MIPOL1: variants seen among roughly 807,000 people sequenced by gnomAD.
MIPOL1 encodes the protein mirror-image polydactyly gene 1 protein.
MIPOL1 carries 57 observed loss-of-function variants against 60.9 expected under a neutral mutation model. The ratio of observed to expected loss-of-function variants is 0.94; its 90% CI spans 0.76 to 1.17. The LOEUF (loss-of-function observed/expected upper bound fraction) is 1.17. MIPOL1 is among the 50% of genes most tolerant of loss of function. MIPOL1 has a pLI of 0.00. For missense variants in MIPOL1, 551 were observed against 511.6 expected (o/e 1.08, Z -0.74); for synonymous variants, 179 against 168.8 (o/e 1.06, Z -0.47).
At chr14:37,514,369 C>G (rs1249767544) in intron 12 of MIPOL1, among the ~76,000 whole-genome samples, 1 of 152,004 alleles carries the variant, frequency 6.6e-6, no homozygotes, top group Non-Finnish European at 1.5e-5. Flanking sequence ...GAAAAGGTTA[C>G]TAAATGACAC....
chr14:37,357,325 G>T (rs1370189191), intron 9 of MIPOL1, among the ~76,000 whole-genome samples: 2 of 152,042 alleles, frequency 1.3e-5, no homozygotes, highest in Non-Finnish European at 2.9e-5. Flanking sequence ...GATCCCATTT[G>T]TCCATTTTTG....
chr14:37,537,718 TA>T (rs1301776720), intron 12 of MIPOL1, among the ~76,000 whole-genome samples: 4 of 152,216 alleles, frequency 2.6e-5, no homozygotes, highest in Non-Finnish European at 4.4e-5. Context: ...TTGGCTTTGA[TA>T]AAAGTGACTT....
At position 37,204,970 on chromosome 14, in the gene MIPOL1, T is replaced by C. The variant is rs544127748; in HGVS notation, c.-199+6866T>C. ...GACAATAAAATCTAGGCTGAGGTGG[T>C]CTCAGATAGAAATGAGGAACTTGTT... is the stretch of plus-strand genomic sequence containing the variant. On this transcript the variant is annotated intron_variant, in intron 1 of 12. Transcript: ENST00000684589. Among the ~76,000 whole-genome samples, 8 of 152,258 alleles carry C rather than the reference T, an allele frequency of 5.3e-5. No homozygotes were observed. In the East Asian group the frequency reaches 1.4e-3, roughly 26 times the overall value.
intron 11 of MIPOL1, among the ~76,000 whole-genome samples, chr14:37,474,807 G>A (rs1476637626): frequency 6.6e-6 from 1 of 151,964 alleles, no homozygotes; most frequent in Non-Finnish European, 1.5e-5. Flanking sequence ...TAGGTTTTTG[G>A]ATTTTTGCCA....
At chr14:37,524,953 T>A (rs1231127839) in intron 12 of MIPOL1, among the ~76,000 whole-genome samples, 1 of 152,122 alleles carries the variant, frequency 6.6e-6, no homozygotes, top group Admixed American at 6.5e-5. Flanking sequence ...TGAGCATGAT[T>A]ATTATCACAA....
intron 7 of MIPOL1, among the ~76,000 whole-genome samples, chr14:37,290,955 C>G (rs1044438950): frequency 6.6e-6 from 1 of 152,118 alleles, no homozygotes; most frequent in African/African-American, 2.4e-5. Flanking sequence ...TGAGTGATAA[C>G]ATGTGGTATT....
In MIPOL1 at chr14:37,285,435, T is replaced by C; in HGVS notation, c.611T>C (p.Met204Thr). 2 of 1,614,046 alleles carry C rather than the reference T, an allele frequency of 1.2e-6. No individual in the cohort carries two copies. Among genetic ancestry groups the C allele is most frequent in the South Asian group, 1.1e-5 (1 of 91,062 alleles). ...EAIARAKHMEMSLKVLENINP... is the reference protein window; with the variant it reads ...EAIARAKHMETSLKVLENINP... ...ATTGCACGAGCCAAGCATATGGAAA[T>C]GTCTCTAAAAGTGTATGTACACATT... is the stretch of plus-strand genomic sequence containing the variant. The change falls in exon 7 of 13, where the codon ATG (methionine) becomes ACG (threonine). Residue 204 changes from methionine (M) to threonine (T), a missense_variant. Transcript: ENST00000684589.
chr14:37,297,698 A>T (rs570129278), intron 7 of MIPOL1, among the ~76,000 whole-genome samples: 1 of 152,268 alleles, frequency 6.6e-6, no homozygotes, highest in South Asian at 2.1e-4. Flanking sequence ...GTGAACTCCC[A>T]TTCACAATTG....
intron 9 of MIPOL1, among the ~76,000 whole-genome samples, chr14:37,332,605 G>A (rs1567508974): frequency 6.6e-6 from 1 of 152,104 alleles, no homozygotes; most frequent in African/African-American, 2.4e-5. Flanking sequence ...AAAATTGTAA[G>A]GAAGAGAAAA....
At chr14:37,490,865 G>A (rs2095038168) in intron 11 of MIPOL1, among the ~76,000 whole-genome samples, 1 of 152,132 alleles carries the variant, frequency 6.6e-6, no homozygotes, top group Non-Finnish European at 1.5e-5. Flanking sequence ...TGATCTCACT[G>A]GGAGCTGCAG....
At chr14:37,322,493 G>GA (rs1294893273) in intron 9 of MIPOL1, among the ~76,000 whole-genome samples, 1 of 151,914 alleles carries the variant, frequency 6.6e-6, no homozygotes, top group African/African-American at 2.4e-5. Flanking sequence ...ATATAGATAA[G>GA]AAATGTATCT....
intron 3 of MIPOL1, among the ~76,000 whole-genome samples, chr14:37,257,704 CTCAT>C (rs1172322755): frequency 6.6e-6 from 1 of 152,116 alleles, no homozygotes; most frequent in East Asian, 1.9e-4. Context: ...CACATGCATA[CTCAT>C]TCAGTCAGCG....
At chr14:37,231,048 T>C (rs1970550720) in intron 1 of MIPOL1, among the ~76,000 whole-genome samples, 2 of 152,178 alleles carry the variant, frequency 1.3e-5, no homozygotes, top group Admixed American at 1.3e-4. Context: ...CCTTACACTT[T>C]GAGTCAGTAC....
intron 11 of MIPOL1, among the ~76,000 whole-genome samples, chr14:37,494,878 T>A (rs905218173): frequency 5.9e-5 from 9 of 152,160 alleles, no homozygotes; most frequent in African/African-American, 2.2e-4. Context: ...TGATGGTAAT[T>A]AACAGGTTTC....
At chr14:37,532,811 T>G (rs2095487535) in intron 12 of MIPOL1, among the ~76,000 whole-genome samples, 1 of 152,210 alleles carries the variant, frequency 6.6e-6, no homozygotes, top group Admixed American at 6.5e-5. Flanking sequence ...AATATGTGCT[T>G]ATTAGCTTAT....
At chr14:37,200,876 G>T (rs1229640252) in intron 1 of MIPOL1, among the ~76,000 whole-genome samples, 8 of 103,380 alleles carry the variant, frequency 7.7e-5, no homozygotes, top group African/African-American at 4.4e-4. Flanking sequence ...GTGTGTGTGT[G>T]TGTGTGTGTG....
chr14:37,487,130 A>G (rs151332725), intron 11 of MIPOL1, among the ~76,000 whole-genome samples: 3,204 of 152,088 alleles, frequency 0.021, 98 homozygotes, highest in African/African-American at 0.072. Context: ...TATATGATGG[A>G]TTACATTTAT....
intron 9 of MIPOL1, among the ~76,000 whole-genome samples, chr14:37,325,457 T>C (rs2089057819): frequency 6.6e-6 from 1 of 152,028 alleles, no homozygotes; most frequent in African/African-American, 2.4e-5. Context: ...TAACTACCTT[T>C]TAATATTTTA....
intron 12 of MIPOL1, among the ~76,000 whole-genome samples, chr14:37,528,044 G>A (rs566658933): frequency 8.6e-5 from 13 of 151,984 alleles, no homozygotes; most frequent in South Asian, 2.1e-4. Flanking sequence ...AGTGTTTATC[G>A]TGATCAAAAG....
Sources: gnomAD v4.1 joint callset for allele counts (sites outside exome capture counted in the v4.1 genomes callset) on GRCh38, gnomAD v4.1.1 for gene constraint, MANE v1.5 for transcripts, NCBI Gene and HGNC (gene_info 2026-07-23, HGNC 2026-07-21) for gene names.